The following ITGBL1 variants were observed in gnomAD, a reference collection of about 807,000 sequenced individuals.
ITGBL1 encodes the protein integrin subunit beta like 1, also known as integrin beta-like protein 1.
In ITGBL1, 51 loss-of-function variants were observed where a neutral mutation model predicts 68.5. That is an observed-to-expected ratio of 0.74 (90% confidence interval 0.59 to 0.94). ITGBL1 has a LOEUF of 0.94. Among genes scored for constraint, ITGBL1 ranks in the 40% least tolerant of loss-of-function variants. ITGBL1 has a pLI of 0.00. For synonymous variants in ITGBL1, 209 were observed against 227.3 expected (o/e 0.92, Z 0.72); for missense variants, 649 against 647.4 (o/e 1.00, Z -0.03).
At chr13:101,588,071 A>C (rs2050587913) in intron 6 of ITGBL1, among the ~76,000 whole-genome samples, 1 of 152,244 alleles carries the variant, frequency 6.6e-6, no homozygotes, top group African/African-American at 2.4e-5. Flanking sequence ...TTTGGATAGC[A>C]TAACTCCAAA....
chr13:101,558,037 C>G (rs1219720605), intron 2 of ITGBL1, among the ~76,000 whole-genome samples: 1 of 125,302 alleles, frequency 8.0e-6, no homozygotes, highest in African/African-American at 3.1e-5. Flanking sequence ...TGCAGTGAGC[C>G]GAGATCGCGC....
intron 7 of ITGBL1, among the ~76,000 whole-genome samples, chr13:101,690,186 A>G (rs1259286299): frequency 2.6e-5 from 4 of 152,200 alleles, no homozygotes; most frequent in African/African-American, 9.6e-5. Flanking sequence ...AGGAAAGAAA[A>G]TGTGCCGACG....
intron 7 of ITGBL1, among the ~76,000 whole-genome samples, chr13:101,674,106 G>A (rs6491639): frequency 0.54 from 82,191 of 151,876 alleles, 22,416 homozygotes; most frequent in South Asian, 0.65. Context: ...GCGTTTTCAT[G>A]CACAATTGCC....
rs1566753954 is a variant in ITGBL1 at position 101,605,497 on chromosome 13, CATGTATATGCGTATACACAT to C, written c.1015+7201_1015+7220del. Among the ~76,000 whole-genome samples, 61 of 43,270 alleles carry C rather than the reference CATGTATATGCGTATACACAT, an allele frequency of 1.4e-3. 3 individuals are homozygous for C. Among genetic ancestry groups the C allele is most frequent in the Middle Eastern group, 0.011 (1 of 94 alleles). 28.4% of individuals were successfully genotyped at this position (43,270 alleles called of 152,430 possible). A position where few individuals can be genotyped will look rare whatever the true frequency, so the allele number is the denominator to read the frequency against. ...ATGCGTATATATACACATATATAGA[CATGTATATGCGTATACACAT>C]ATAGACATATGTATATGCGTATATA... On this transcript the variant is annotated intron_variant, in intron 7 of 10. Coordinates refer to ENST00000376180, the MANE Select transcript of ITGBL1 (RefSeq NM_004791.3).
intron 2 of ITGBL1, among the ~76,000 whole-genome samples, chr13:101,496,269 G>A (rs2048856941): frequency 6.6e-6 from 1 of 152,178 alleles, no homozygotes; most frequent in South Asian, 2.1e-4. Flanking sequence ...ACACAGCCCT[G>A]GGCATATAGT....
chr13:101,654,758 C>T (rs561621943), intron 7 of ITGBL1, among the ~76,000 whole-genome samples: 4 of 152,120 alleles, frequency 2.6e-5, no homozygotes, highest in South Asian at 4.2e-4. Context: ...GAATGCAGAT[C>T]GGTGTAAAGC....
intron 7 of ITGBL1, among the ~76,000 whole-genome samples, chr13:101,648,111 AC>A (rs2139445695): frequency 6.6e-6 from 1 of 152,326 alleles, no homozygotes; most frequent in South Asian, 2.1e-4. Flanking sequence ...TGACTGCCAG[AC>A]AATAGGATAA....
chr13:101,620,373 CTAGAATATGATGTAAT>C (rs1269951399), intron 7 of ITGBL1, among the ~76,000 whole-genome samples: 2 of 152,166 alleles, frequency 1.3e-5, no homozygotes, highest in African/African-American at 4.8e-5. Context: ...CCTCACAAAT[CTAGAATATGATGTAAT>C]TATAATTTTA....
intron 2 of ITGBL1, among the ~76,000 whole-genome samples, chr13:101,455,788 A>G (rs979240308): frequency 2.0e-5 from 3 of 152,244 alleles, no homozygotes; most frequent in African/African-American, 7.2e-5. Context: ...GTTACCGCCT[A>G]ATATTTCATT....
chr13:101,506,415 A>G (rs1478290332), intron 2 of ITGBL1, among the ~76,000 whole-genome samples: 2 of 152,198 alleles, frequency 1.3e-5, no homozygotes, highest in East Asian at 1.9e-4. Context: ...CAGATTAGTA[A>G]TGGGGTCTTG....
intron 2 of ITGBL1, among the ~76,000 whole-genome samples, chr13:101,521,842 T>C (rs1197276077): frequency 6.6e-6 from 1 of 152,136 alleles, no homozygotes; most frequent in Non-Finnish European, 1.5e-5. Context: ...TCTTGCTTTT[T>C]TTTTTCTTTT....
chr13:101,700,821 C>T (rs1054304761), intron 8 of ITGBL1, among the ~76,000 whole-genome samples: 13 of 152,198 alleles, frequency 8.5e-5, no homozygotes, highest in African/African-American at 3.1e-4. Flanking sequence ...AGAACATTGG[C>T]TGTCTGGCTC....
At chr13:101,637,909 CT>C (rs559702702) in intron 7 of ITGBL1, among the ~76,000 whole-genome samples, 103 of 152,262 alleles carry the variant, frequency 6.8e-4, no homozygotes, top group African/African-American at 2.3e-3. Flanking sequence ...AAAAACAAAT[CT>C]TCATTTACTT....
chr13:101,589,730 A>G (rs1036988960), intron 6 of ITGBL1, among the ~76,000 whole-genome samples: 1 of 152,216 alleles, frequency 6.6e-6, no homozygotes, highest in Non-Finnish European at 1.5e-5. Context: ...TGAGAAGATT[A>G]TTGAGGAGTC....
intron 7 of ITGBL1, among the ~76,000 whole-genome samples, chr13:101,639,512 T>C (rs1282986771): frequency 6.6e-6 from 1 of 152,182 alleles, no homozygotes; most frequent in Non-Finnish European, 1.5e-5. Flanking sequence ...TTCCTTCAAA[T>C]ATATATAAGA....
intron 2 of ITGBL1, among the ~76,000 whole-genome samples, chr13:101,540,275 A>G (rs1004599871): frequency 3.4e-4 from 51 of 152,190 alleles, no homozygotes; most frequent in African/African-American, 5.3e-4. Flanking sequence ...ACATATGGCT[A>G]GCCAGTTTTC....
chr13:101,661,431 C>G (rs927619132), intron 7 of ITGBL1, among the ~76,000 whole-genome samples: 1 of 152,154 alleles, frequency 6.6e-6, no homozygotes, highest in East Asian at 1.9e-4. Context: ...TCTATCTTTT[C>G]CACCTTTATG....
chr13:101,490,107 T>C (rs989780831), intron 2 of ITGBL1: 3 of 744,078 alleles, frequency 4.0e-6, no homozygotes, highest in Non-Finnish European at 6.6e-6. Context: ...GTGATGGTAT[T>C]TGGAGGTGGG....
chr13:101,585,519 C>T (rs1336059336), intron 6 of ITGBL1, among the ~76,000 whole-genome samples: 1 of 152,142 alleles, frequency 6.6e-6, no homozygotes, highest in Non-Finnish European at 1.5e-5. Context: ...CGAGCTCCAC[C>T]TCCCAGGTTC....
Sources: gnomAD v4.1 joint callset for allele counts (sites outside exome capture counted in the v4.1 genomes callset) on GRCh38, gnomAD v4.1.1 for gene constraint, MANE v1.5 for transcripts, NCBI Gene and HGNC (gene_info 2026-07-23, HGNC 2026-07-21) for gene names.